The following TMEM245 variants were observed in gnomAD, a reference collection of about 807,000 sequenced individuals.
The protein encoded by TMEM245 is protein CG-2.
Under a neutral mutation model 101.2 loss-of-function variants are expected in TMEM245, and 69 were observed. The observed-to-expected ratio is 0.68, with a 90% CI of 0.56 to 0.83. The LOEUF (loss-of-function observed/expected upper bound fraction) is 0.83. Ranked by LOEUF, TMEM245 falls within the 40% of genes least tolerant of loss-of-function variation. The probability of loss-of-function intolerance (pLI) is 0.00; values close to 1 mark genes in which losing one functional copy is unlikely to be tolerated. For synonymous variants in TMEM245, 537 were observed against 449.8 expected (o/e 1.19, Z -2.45); for missense variants, 1,075 against 1,092.8 (o/e 0.98, Z 0.23).
At chr9:109,067,446 C>T (rs576993228) in intron 9 of TMEM245, among the ~76,000 whole-genome samples, 1 of 152,328 alleles carries the variant, frequency 6.6e-6, no homozygotes, top group African/African-American at 2.4e-5. Flanking sequence ...ACAGTTTAGA[C>T]TGGTCTGCCT....
At chr9:109,105,056 A>C (rs1022343621) in intron 3 of TMEM245, among the ~76,000 whole-genome samples, 12 of 152,228 alleles carry the variant, frequency 7.9e-5, no homozygotes, top group Admixed American at 7.9e-4. Context: ...GACTATCAAG[A>C]GAGTAAAAAT....
At chr9:109,034,038 G>A (rs1166764159) in intron 16 of TMEM245, among the ~76,000 whole-genome samples, 5 of 152,148 alleles carry the variant, frequency 3.3e-5, no homozygotes, top group Admixed American at 2.0e-4. Context: ...CTGTCACAAA[G>A]CCCAAGATTT....
chr9:109,060,950 G>A (rs1474972630), intron 10 of TMEM245, among the ~76,000 whole-genome samples: 1 of 152,102 alleles, frequency 6.6e-6, no homozygotes, highest in Admixed American at 6.6e-5. Flanking sequence ...GACTGGCCCC[G>A]GGTTTGTGGA....
rs1423093692 is a variant in TMEM245, at chr9:109,020,218, T to C, written c.*242A>G. The C allele has an allele frequency of 1.7e-5, 9 of 539,816 alleles. No individual in the cohort carries two copies. In the South Asian group the frequency reaches 1.9e-4, roughly 12 times the overall value. The allele number at this position is 539,816 out of a possible 1,614,324, so 33.4% of individuals were successfully genotyped here. A position where few individuals can be genotyped will look rare whatever the true frequency, so the allele number is the denominator to read the frequency against. On this transcript the variant is annotated 3_prime_UTR_variant, in exon 18 of 18. Coordinates refer to ENST00000374586, the MANE Select transcript of TMEM245 (RefSeq NM_032012.4). Reference sequence around the variant, plus strand: ...GTATAAAATGAAACTTTTCAAGCCATCTTAACAACAGTTAAGTGAGCAAAC... The same window carrying C: ...GTATAAAATGAAACTTTTCAAGCCACCTTAACAACAGTTAAGTGAGCAAAC...
intron 3 of TMEM245, among the ~76,000 whole-genome samples, chr9:109,104,195 T>C (rs895314716): frequency 7.2e-5 from 11 of 152,182 alleles, no homozygotes; most frequent in Non-Finnish European, 1.6e-4. Flanking sequence ...AGAGTATAAT[T>C]GGATTATTTA....
rs545982860 is a variant in TMEM245 at position 109,020,324 on chromosome 9, T to C, written c.*136A>G. On this transcript the variant is annotated 3_prime_UTR_variant, in exon 18 of 18. Coordinates refer to ENST00000374586, the MANE Select transcript of TMEM245 (RefSeq NM_032012.4). ...TTCTCTCTTGTCCAGGCATTCTGTA[T>C]GTAAGGCCAGGAGGCTTCTGCTTCT... The C allele has an allele frequency of 2.4e-6, 2 of 843,816 alleles. No individual in the cohort carries two copies. The highest frequency in any genetic ancestry group is 1.7e-5 in the Admixed American group (1 of 57,954). The allele number at this position is 843,816 out of a possible 1,614,324, so 52.3% of individuals were successfully genotyped here.
At chr9:109,094,344 G>C (rs1320791085) in intron 3 of TMEM245, among the ~76,000 whole-genome samples, 1 of 152,170 alleles carries the variant, frequency 6.6e-6, no homozygotes, top group Non-Finnish European at 1.5e-5. Flanking sequence ...TAAAAAAATT[G>C]TATTTCTTGG....
rs1377357070 is a variant in TMEM245, at chr9:109,119,394, G to A, written c.520C>T (p.Leu174=). 4 of 1,528,678 alleles carry A rather than the reference G, an allele frequency of 2.6e-6. No individual in the cohort carries two copies. Among genetic ancestry groups the A allele is most frequent in the Admixed American group, 2.0e-5 (1 of 50,324 alleles). The allele number at this position is 1,528,678 out of a possible 1,614,324, so 94.7% of individuals were successfully genotyped here. Residue 174 remains leucine, a synonymous_variant, in exon 1 of 18, where the codon CTG becomes TTG. Coordinates refer to ENST00000374586, the MANE Select transcript of TMEM245 (RefSeq NM_032012.4). ...ATGAGCGTGGCAGCGTGCACCAGCA[G>A]CACCTGCACGCCCAAGTAGCTGCCG... ...CLGSYLGVQV[L]LVHAATLICR...
At chr9:109,063,413 G>A (rs1202336215) in intron 10 of TMEM245, among the ~76,000 whole-genome samples, 3 of 152,124 alleles carry the variant, frequency 2.0e-5, no homozygotes, top group East Asian at 1.9e-4. Flanking sequence ...GAGCCACCAC[G>A]GCCAGCCTGA....
chr9:109,058,799 T>A (rs1046823172), intron 11 of TMEM245, among the ~76,000 whole-genome samples: 2 of 152,036 alleles, frequency 1.3e-5, no homozygotes, highest in African/African-American at 4.8e-5. Context: ...AGAGATGGGG[T>A]CTCACTATGT....
rs1554716962 is a variant in TMEM245, at chr9:109,018,900, A to AATT, written c.*1559_*1560insAAT. 2 of 79,926 alleles carry AATT rather than the reference A, an allele frequency of 2.5e-5. No individual in the cohort carries two copies. The highest frequency in any genetic ancestry group is 1.1e-4 in the African/African-American group (2 of 17,950). The allele number at this position is 79,926 out of a possible 1,614,324, so 5.0% of individuals were successfully genotyped here. A position where few individuals can be genotyped will look rare whatever the true frequency, so the allele number is the denominator to read the frequency against. ...ATAGCCACACCACCGTGCCCAGCTA[A>AATT]TTTTTTTTTTTTTTTTTTTTTTTTT... On this transcript the variant is annotated 3_prime_UTR_variant, in exon 18 of 18. Coordinates refer to ENST00000374586, the MANE Select transcript of TMEM245 (RefSeq NM_032012.4).
chr9:109,086,612 A>G (rs1474192936), intron 6 of TMEM245, among the ~76,000 whole-genome samples: 2 of 152,188 alleles, frequency 1.3e-5, no homozygotes, highest in African/African-American at 4.8e-5. Context: ...TATTGTACCT[A>G]TTTTACTGGT....
At chr9:109,098,552 T>A (rs1830200962) in intron 3 of TMEM245, among the ~76,000 whole-genome samples, 1 of 148,942 alleles carries the variant, frequency 6.7e-6, no homozygotes, top group African/African-American at 2.5e-5. Flanking sequence ...GGAATCAGAG[T>A]CCAAAAAAAA....
At chr9:109,022,467 T>TTATCTATCTATCTATCTATCTATCTATC (rs35280235) in intron 17 of TMEM245, among the ~76,000 whole-genome samples, 9 of 149,456 alleles carry the variant, frequency 6.0e-5, no homozygotes, top group South Asian at 2.2e-4. Context: ...TTTATATGCA[T>TTATCTATCTATCTATCTATCTATCTATC]TATCTATCTA....
At chr9:109,086,139 G>A (rs7031462) in intron 6 of TMEM245, 119 bp from the exon 7 acceptor site, 5 of 1,000,064 alleles carry the variant, frequency 5.0e-6, no homozygotes, top group South Asian at 3.1e-5. Flanking sequence ...CCCAGACAAA[G>A]GAAAAACTAG....
At chr9:109,024,437 T>C (rs1827735527) in intron 17 of TMEM245, among the ~76,000 whole-genome samples, 1 of 152,176 alleles carries the variant, frequency 6.6e-6, no homozygotes, top group South Asian at 2.1e-4. Context: ...AGCACCATGT[T>C]AGGAGTGGTA....
chr9:109,046,724 T>C (rs575368560), intron 14 of TMEM245, among the ~76,000 whole-genome samples: 8 of 152,222 alleles, frequency 5.3e-5, no homozygotes, highest in Non-Finnish European at 8.8e-5. Context: ...TCACTGATAT[T>C]TGTAGGCTAA....
At position 109,119,878 on chromosome 9, in the gene TMEM245, G is replaced by C. The variant is rs763611243; in HGVS notation, c.36C>G (p.Ser12Arg). 2 of 1,302,938 alleles carry C rather than the reference G, an allele frequency of 1.5e-6. No homozygotes were observed. Among genetic ancestry groups the C allele is most frequent in the Non-Finnish European group, 9.7e-7 (1 of 1,034,190 alleles). 80.7% of individuals were successfully genotyped at this position (1,302,938 alleles called of 1,614,324 possible). A position where few individuals can be genotyped will look rare whatever the true frequency, so the allele number is the denominator to read the frequency against. The change falls in exon 1 of 18, where the codon AGC becomes AGG. Residue 12 changes from serine to arginine, a missense_variant. Physicochemically the swap from Ser to Arg is moderately radical, Grantham distance 110 (BLOSUM62 -1). Transcript: ENST00000374586. ...GCGCCGGCCCGGGAGAGCTCCGCAG[G>C]CTTGGCGCGTCCTTAGGGCCGCCGC... ...ADGGGPKDAP[S>R]LRSSPGPAPR...
At chr9:109,113,343 A>G (rs1488374765) in intron 1 of TMEM245, among the ~76,000 whole-genome samples, 2 of 152,228 alleles carry the variant, frequency 1.3e-5, no homozygotes, top group Admixed American at 6.5e-5. Flanking sequence ...TCAACTTTAT[A>G]TATGTTTAGC....
Sources: allele counts gnomAD v4.1 joint callset (sites outside exome capture counted in the v4.1 genomes callset), GRCh38; gene constraint gnomAD v4.1.1; transcripts MANE v1.5; gene names NCBI Gene and HGNC (gene_info 2026-07-23, HGNC 2026-07-21).